The following NHS variants were observed in gnomAD, a reference collection of about 807,000 sequenced individuals.
NHS encodes the protein NHS actin remodeling regulator, also known as actin remodeling regulator NHS.
Under a neutral mutation model 72.5 loss-of-function variants are expected in NHS, and 5 were observed. The observed-to-expected ratio is 0.07, with a 90% CI of 0.04 to 0.14. NHS has a LOEUF of 0.14. Ranked by LOEUF, NHS falls within the 10% of genes least tolerant of loss-of-function variation. NHS has a pLI of 1.00. For missense variants in NHS, 1,072 were observed against 1,355.7 expected, an observed-to-expected ratio of 0.79 and a Z score of 3.29; for synonymous variants, 464 against 547.7, an observed-to-expected ratio of 0.85 and a Z score of 2.13.
Position 17,473,902 on chromosome X carries a change from A to ATATT in NHS, c.565+97602_565+97605dup, listed in dbSNP as rs750807045. 8.5e-3 allele frequency among the ~76,000 whole-genome samples: 951 copies of ATATT among 111,246 alleles called. 11 individuals carry two copies. Among genetic ancestry groups the ATATT allele is most frequent in the African/African-American group, 0.029 (879 of 30,594 alleles). On this transcript the variant is annotated intron_variant, in intron 1 of 8. Coordinates refer to ENST00000676302, the MANE Select transcript of NHS (RefSeq NM_001291867.2). ...TTATATTTCACATGAACAATGCTTT[A>ATATT]TATTTATTTATTTATTTATTTATTT...
At chrX:17,487,271 C>T (rs192097392) in intron 1 of NHS, among the ~76,000 whole-genome samples, 1 of 112,116 alleles carries the variant, frequency 8.9e-6, no homozygotes, top group Admixed American at 9.4e-5. Context: ...CATGGAGTCC[C>T]GGGCCTTGCT....
intron 1 of NHS, among the ~76,000 whole-genome samples, chrX:17,508,864 A>G (rs1441677368): frequency 9.0e-6 from 1 of 111,568 alleles, no homozygotes; most frequent in Non-Finnish European, 1.9e-5. Context: ...TTGTGTGTGT[A>G]TTTGCTTGAG....
intron 1 of NHS, among the ~76,000 whole-genome samples, chrX:17,538,336 G>C (rs1162833007): frequency 2.7e-5 from 3 of 111,588 alleles, no homozygotes; most frequent in African/African-American, 9.8e-5. Flanking sequence ...AATGCTCTTT[G>C]CTCAGGGGGG....
At chrX:17,377,738 T>A (rs1464528376) in intron 1 of NHS, among the ~76,000 whole-genome samples, 2 of 113,338 alleles carry the variant, frequency 1.8e-5, no homozygotes, top group African/African-American at 6.4e-5. Flanking sequence ...ATAAGCGTAA[T>A]GAATAAATGA....
At chrX:17,380,006 G>A (rs1047341590) in intron 1 of NHS, among the ~76,000 whole-genome samples, 2 of 111,780 alleles carry the variant, frequency 1.8e-5, no homozygotes, top group Non-Finnish European at 3.8e-5. Context: ...AGTTTGTGAA[G>A]CCTTGGAGCT....
intron 1 of NHS, among the ~76,000 whole-genome samples, chrX:17,395,417 T>C (rs767290652): frequency 1.2e-4 from 14 of 112,243 alleles, no homozygotes; most frequent in Non-Finnish European, 2.3e-4. Context: ...ATGCTGATTG[T>C]CTAAAATAAG....
intron 1 of NHS, among the ~76,000 whole-genome samples, chrX:17,528,215 T>A (rs963601167): frequency 9.0e-6 from 1 of 111,517 alleles, no homozygotes; most frequent in Non-Finnish European, 1.9e-5. Flanking sequence ...CTGCTAAACC[T>A]CCTACAATGC....
intron 1 of NHS, among the ~76,000 whole-genome samples, chrX:17,544,516 A>T (rs1234778252): frequency 3.6e-5 from 4 of 111,143 alleles, no homozygotes; most frequent in African/African-American, 3.3e-5. Flanking sequence ...TTATTTATTT[A>T]TTTATTTTTA....
At chrX:17,444,528 C>T (rs1019591692) in intron 1 of NHS, among the ~76,000 whole-genome samples, 8 of 112,061 alleles carry the variant, frequency 7.1e-5, no homozygotes, top group African/African-American at 2.3e-4. Context: ...ATAGACTGTG[C>T]CTGAGCATCA....
At chrX:17,542,251 G>A (rs2065267548) in intron 1 of NHS, among the ~76,000 whole-genome samples, 1 of 113,301 alleles carries the variant, frequency 8.8e-6, no homozygotes, top group Non-Finnish European at 1.9e-5. Context: ...GCCTGCCAGG[G>A]TTCTGTGTAC....
At chrX:17,493,829 G>A (rs933133306) in intron 1 of NHS, among the ~76,000 whole-genome samples, 2 of 111,121 alleles carry the variant, frequency 1.8e-5, no homozygotes, top group Non-Finnish European at 3.8e-5. Context: ...ACCTTAACCT[G>A]CAAGGGAGAG....
At chrX:17,567,514 G>GA (rs1230475366) in intron 1 of NHS, among the ~76,000 whole-genome samples, 1 of 111,658 alleles carries the variant, frequency 9.0e-6, no homozygotes, top group Admixed American at 9.6e-5. Context: ...AGCTTCAAAG[G>GA]AAAAAATTAA....
intron 3 of NHS, among the ~76,000 whole-genome samples, chrX:17,696,049 G>C (rs1237866457): frequency 9.0e-6 from 1 of 111,069 alleles, no homozygotes; most frequent in Admixed American, 9.6e-5. Context: ...CTGAGCTACA[G>C]AGAAGAGATC....
chrX:17,444,237 C>A (rs1237373848), intron 1 of NHS, among the ~76,000 whole-genome samples: 1 of 111,620 alleles, frequency 9.0e-6, no homozygotes, highest in Non-Finnish European at 1.9e-5. Flanking sequence ...ATGTTTCTGC[C>A]CCTAATTGAA....
intron 1 of NHS, among the ~76,000 whole-genome samples, chrX:17,510,505 TG>T (rs919046537): frequency 6.2e-5 from 7 of 112,506 alleles, no homozygotes; most frequent in African/African-American, 1.9e-4. Flanking sequence ...TAGTGAACAA[TG>T]GGGAAAGCAT....
chrX:17,681,186 G>A (rs2066126817), intron 1 of NHS, among the ~76,000 whole-genome samples: 3 of 111,758 alleles, frequency 2.7e-5, no homozygotes, highest in African/African-American at 9.8e-5. Context: ...TCAACAAGAA[G>A]ACAGGCAAAA....
At chrX:17,490,464 G>A (rs1034670810) in intron 1 of NHS, among the ~76,000 whole-genome samples, 6 of 111,648 alleles carry the variant, frequency 5.4e-5, no homozygotes, top group Non-Finnish European at 1.1e-4. Context: ...TGAGGCCTCT[G>A]TTCTGTTCCA....
chrX:17,601,936 A>G (rs1181901623), intron 1 of NHS, among the ~76,000 whole-genome samples: 2 of 111,835 alleles, frequency 1.8e-5, no homozygotes, highest in Non-Finnish European at 3.8e-5. Flanking sequence ...AGAAGCTCAG[A>G]TCAAGTTCCC....
chrX:17,665,318 ATTTTTTTT>A (rs34661609), intron 1 of NHS, among the ~76,000 whole-genome samples: 3 of 54,730 alleles, frequency 5.5e-5, no homozygotes, highest in Admixed American at 4.9e-4. Flanking sequence ...TTACCTATAG[ATTTTTTTT>A]TTTTTTTTTT....
Sources: allele counts gnomAD v4.1 joint callset (sites outside exome capture counted in the v4.1 genomes callset), GRCh38; gene constraint gnomAD v4.1.1; transcripts MANE v1.5; gene names NCBI Gene and HGNC (gene_info 2026-07-23, HGNC 2026-07-21).